The following NR3C2 variants were observed in gnomAD, a reference collection of about 807,000 sequenced individuals.
NR3C2 encodes mineralocorticoid receptor.
In NR3C2, 15 loss-of-function variants were observed where a neutral mutation model predicts 86.4. The ratio of observed to expected loss-of-function variants is 0.17; its 90% confidence interval spans 0.12 to 0.27. NR3C2 has a LOEUF of 0.27. Ranked by LOEUF, NR3C2 falls within the 10% of genes least tolerant of loss-of-function variation. The pLI is 1.00. For synonymous variants in NR3C2, 458 were observed against 450.5 expected (o/e 1.02, Z -0.21); for missense variants, 960 against 1,195.6 (o/e 0.80, Z 2.91).
chr4:148,097,596 T>C (rs1731338682), intron 8 of NR3C2, among the ~76,000 whole-genome samples: 1 of 152,184 alleles, frequency 6.6e-6, no homozygotes, highest in Non-Finnish European at 1.5e-5. Context: ...GACACTAGAA[T>C]CAAAGGCTTT....
chr4:148,252,523 A>ATT (rs1739627212), intron 3 of NR3C2, among the ~76,000 whole-genome samples: 2 of 152,228 alleles, frequency 1.3e-5, no homozygotes, highest in South Asian at 4.1e-4. Flanking sequence ...TTCTATTAGT[A>ATT]CCAATGGGAG....
At chr4:148,284,899 A>G (rs1741437295) in intron 2 of NR3C2, among the ~76,000 whole-genome samples, 2 of 152,188 alleles carry the variant, frequency 1.3e-5, no homozygotes, top group African/African-American at 2.4e-5. Flanking sequence ...ACTATTGGTC[A>G]TTGTTCTCAT....
chr4:148,241,033 C>T lies in NR3C2; in HGVS notation c.1897+18945G>A, dbSNP rs62332037. Among the ~76,000 whole-genome samples the T allele has an allele frequency of 8.5e-3, 1,286 of 152,148 alleles. 12 individuals carry two copies. Among genetic ancestry groups the T allele is most frequent in the Non-Finnish European group, 0.015 (1,016 of 67,994 alleles). Reference sequence around the variant, plus strand: ...GAAAAAAATAAAATCCAGCTGGGCGCGGTGGCTCACGCCTGTAATCCCAAC... The same window carrying T: ...GAAAAAAATAAAATCCAGCTGGGCGTGGTGGCTCACGCCTGTAATCCCAAC... On this transcript the variant is annotated intron_variant, in intron 3 of 8. Transcript: ENST00000358102.
At chr4:148,219,783 A>C (rs1195895058) in intron 3 of NR3C2, among the ~76,000 whole-genome samples, 2 of 152,270 alleles carry the variant, frequency 1.3e-5, no homozygotes, top group African/African-American at 4.8e-5. Flanking sequence ...TTTATTTCAG[A>C]AAATATACGT....
chr4:148,114,017 A>G (rs2149727737), intron 8 of NR3C2, 87 bp downstream of exon 8: 1 of 1,508,858 alleles, frequency 6.6e-7, no homozygotes, highest in South Asian at 1.2e-5. Context: ...GACACCCTGA[A>G]AACTCTCAGT....
chr4:148,412,253 T>C (rs554308011), intron 2 of NR3C2, among the ~76,000 whole-genome samples: 19 of 152,286 alleles, frequency 1.2e-4, no homozygotes, highest in Non-Finnish European at 2.4e-4. Context: ...GCTTTCATTC[T>C]TTGCAGGGAG....
intron 2 of NR3C2, among the ~76,000 whole-genome samples, chr4:148,383,398 T>C (rs772735902): frequency 1.3e-5 from 2 of 152,220 alleles, no homozygotes; most frequent in Non-Finnish European, 2.9e-5. Context: ...TGGTAGATTT[T>C]TGCTTTTGTT....
At chr4:148,325,141 A>G (rs1359748915) in intron 2 of NR3C2, among the ~76,000 whole-genome samples, 1 of 137,104 alleles carries the variant, frequency 7.3e-6, no homozygotes, top group East Asian at 2.1e-4. Context: ...AGAATGAGAG[A>G]GAGAGAGAGA....
intron 3 of NR3C2, among the ~76,000 whole-genome samples, chr4:148,233,732 CA>C (rs1260880145): frequency 1.3e-5 from 2 of 152,080 alleles, no homozygotes; most frequent in African/African-American, 4.8e-5. Flanking sequence ...GCAGTCAGAA[CA>C]CATACAACAT....
chr4:148,167,308 T>C (rs569346586), intron 4 of NR3C2, among the ~76,000 whole-genome samples: 2 of 152,342 alleles, frequency 1.3e-5, no homozygotes, highest in East Asian at 3.9e-4. Flanking sequence ...GATTTTAAAA[T>C]GGGTGATGTG....
intron 2 of NR3C2, among the ~76,000 whole-genome samples, chr4:148,324,660 A>T (rs2358336): frequency 0.28 from 42,678 of 152,072 alleles, 7,466 homozygotes; most frequent in East Asian, 0.58. Context: ...ATTTGCTGAG[A>T]GTAAATCTTA....
At chr4:148,173,282 T>C (rs1735219291) in intron 4 of NR3C2, among the ~76,000 whole-genome samples, 2 of 152,184 alleles carry the variant, frequency 1.3e-5, no homozygotes, top group Admixed American at 1.3e-4. Flanking sequence ...TCACCTTACA[T>C]GGCAAAAGGA....
intron 8 of NR3C2, among the ~76,000 whole-genome samples, chr4:148,087,553 G>T (rs1055795987): frequency 6.6e-6 from 1 of 152,124 alleles, no homozygotes; most frequent in South Asian, 2.1e-4. Flanking sequence ...AGAGGCCTCA[G>T]AAATAATGCC....
chr4:148,435,320 A>G lies in NR3C2; in HGVS notation c.1541T>C (p.Val514Ala). The G allele has an allele frequency of 6.2e-7, 1 of 1,614,188 alleles. No homozygotes were observed. Among genetic ancestry groups the G allele is most frequent in the Non-Finnish European group, 8.5e-7 (1 of 1,180,034 alleles). The change falls in exon 2 of 9, where the codon GTT becomes GCT. Residue 514 changes from valine to alanine, a missense_variant. This residue lies in a region of NR3C2 where 680 missense variants were observed against 719.0 expected (regional missense o/e 0.95). Coordinates refer to ENST00000358102, the MANE Select transcript of NR3C2 (RefSeq NM_000901.5). ...GGACTGTCCACCTGAATTCACCCCAACAATAGCAGAGGAAGGGATGCTGGC... is the reference window on the plus strand; with the variant it reads ...GGACTGTCCACCTGAATTCACCCCAGCAATAGCAGAGGAAGGGATGCTGGC... ...PEASIPSSAI[V>A]GVNSGGQSFH...
At chr4:148,426,138 G>A (rs866701604) in intron 2 of NR3C2, among the ~76,000 whole-genome samples, 2 of 152,184 alleles carry the variant, frequency 1.3e-5, no homozygotes, top group Middle Eastern at 3.4e-3. Flanking sequence ...AACCACTTTT[G>A]CTGTCACCAA....
intron 2 of NR3C2, among the ~76,000 whole-genome samples, chr4:148,415,097 A>G (rs1748927333): frequency 6.6e-6 from 1 of 152,224 alleles, no homozygotes; most frequent in Non-Finnish European, 1.5e-5. Context: ...CCTCCTATTT[A>G]CTCAGTTAAC....
chr4:148,239,975 A>G (rs959101026), intron 3 of NR3C2, among the ~76,000 whole-genome samples: 1 of 152,064 alleles, frequency 6.6e-6, no homozygotes, highest in African/African-American at 2.4e-5. Flanking sequence ...GCAGTGAGGA[A>G]GCACAGCAGG....
chr4:148,416,592 G>A (rs1447274621), intron 2 of NR3C2, among the ~76,000 whole-genome samples: 1 of 152,144 alleles, frequency 6.6e-6, no homozygotes, highest in African/African-American at 2.4e-5. Flanking sequence ...AATTACTTGT[G>A]TCTCTTTCTA....
chr4:148,222,513 T>C (rs1737913011), intron 3 of NR3C2, among the ~76,000 whole-genome samples: 1 of 152,236 alleles, frequency 6.6e-6, no homozygotes, highest in African/African-American at 2.4e-5. Flanking sequence ...AATGGCAATA[T>C]AATTCCTGAA....
Sources: gnomAD v4.1 joint callset for allele counts (sites outside exome capture counted in the v4.1 genomes callset) on GRCh38, gnomAD v4.1.1 for gene constraint, gnomAD v4.1.1 regional missense constraint, MANE v1.5 for transcripts, NCBI Gene and HGNC (gene_info 2026-07-23, HGNC 2026-07-21) for gene names.